NBEA: variants seen among roughly 807,000 people sequenced by gnomAD.
The protein encoded by NBEA is neurobeachin.
A neutral mutation model predicts 343.4 loss-of-function variants in NBEA; 44 were observed. That is an observed-to-expected ratio of 0.13 (90% CI 0.10 to 0.16). The LOEUF (loss-of-function observed/expected upper bound fraction) is 0.16. Among genes scored for constraint, NBEA ranks in the 10% least tolerant of loss-of-function variants. The pLI, the probability that NBEA is intolerant of heterozygous loss-of-function variation, is 1.00. For synonymous variants in NBEA, 1,175 were observed against 1,238.7 expected, an observed-to-expected ratio of 0.95 and a Z score of 1.08; for missense variants, 2,555 against 3,631.3, an observed-to-expected ratio of 0.70 and a Z score of 7.62.
intron 41 of NBEA, among the ~76,000 whole-genome samples, chr13:35,493,640 A>G (rs147473433): frequency 9.2e-5 from 14 of 152,110 alleles, no homozygotes; most frequent in African/African-American, 2.6e-4. Flanking sequence ...GAAGCCCTCC[A>G]TTAGGAACCA....
chr13:35,305,905 T>C (rs1444473218), intron 35 of NBEA, among the ~76,000 whole-genome samples: 4 of 152,202 alleles, frequency 2.6e-5, no homozygotes, highest in Non-Finnish European at 5.9e-5. Context: ...TTACTGATAG[T>C]TTGGCTGCAT....
chr13:35,356,174 G>A (rs1327020354), intron 38 of NBEA, among the ~76,000 whole-genome samples: 2 of 151,826 alleles, frequency 1.3e-5, no homozygotes, highest in African/African-American at 4.8e-5. Flanking sequence ...TAGTCCATTG[G>A]GAATAATTTT....
chr13:35,334,507 T>A (rs1249255865), intron 36 of NBEA, among the ~76,000 whole-genome samples: 2 of 152,154 alleles, frequency 1.3e-5, no homozygotes, highest in Non-Finnish European at 2.9e-5. Context: ...TGACCTCAGG[T>A]GATCCACCCA....
intron 38 of NBEA, among the ~76,000 whole-genome samples, chr13:35,372,259 G>A (rs1272179088): frequency 1.3e-5 from 2 of 152,142 alleles, no homozygotes; most frequent in Non-Finnish European, 2.9e-5. Context: ...CATTGGCGGT[G>A]GCTGTGACAG....
intron 52 of NBEA, among the ~76,000 whole-genome samples, chr13:35,650,563 A>G (rs761683848): frequency 2.6e-5 from 4 of 152,136 alleles, no homozygotes; most frequent in Non-Finnish European, 5.9e-5. Context: ...TTAACCAGGC[A>G]CAGTGGCAGG....
intron 22 of NBEA, 105 bp from the exon 23 acceptor site, chr13:35,161,645 A>G (rs1235752469): frequency 5.2e-6 from 5 of 955,438 alleles, no homozygotes; most frequent in South Asian, 1.7e-5. Context: ...CTAAAGTCAT[A>G]TGCTAAAGCA....
chr13:35,204,936 G>A (rs1468742553), intron 31 of NBEA, among the ~76,000 whole-genome samples: 1 of 151,884 alleles, frequency 6.6e-6, no homozygotes, highest in Admixed American at 6.6e-5. Context: ...GTGAAACGTT[G>A]TGTAACAATC....
At chr13:35,224,336 A>G (rs980534070) in intron 33 of NBEA, among the ~76,000 whole-genome samples, 2 of 152,340 alleles carry the variant, frequency 1.3e-5, no homozygotes, top group Non-Finnish European at 2.9e-5. Flanking sequence ...ATTATTTGGC[A>G]TACCAGCATA....
intron 35 of NBEA, among the ~76,000 whole-genome samples, chr13:35,290,822 G>T (rs74048982): frequency 0.078 from 11,829 of 151,286 alleles, 513 homozygotes; most frequent in South Asian, 0.12. Context: ...TTGAGATAAT[G>T]AAAAGTAAGT....
At chr13:35,661,357 A>G (rs1264274317) in intron 55 of NBEA, among the ~76,000 whole-genome samples, 3 of 152,220 alleles carry the variant, frequency 2.0e-5, no homozygotes, top group Non-Finnish European at 4.4e-5. Flanking sequence ...CTGCAGTGGC[A>G]GTGCTCAGAG....
At chr13:35,049,252 A>C (rs1055313749) in intron 5 of NBEA, among the ~76,000 whole-genome samples, 11 of 151,888 alleles carry the variant, frequency 7.2e-5, no homozygotes, top group South Asian at 6.2e-4. Flanking sequence ...CAATAAGTAC[A>C]TCAAACATTC....
rs184285035 is a variant in NBEA at position 35,293,181 on chromosome 13, C to G, written c.5838+2731C>G. ...ATTACAAGTGTCTGAAGGTACTTGT[C>G]AAGGATAATTCAGTTCATATGGGCA... On this transcript the variant is annotated intron_variant, in intron 35 of 58. Transcript: ENST00000379939. 1.0e-3 allele frequency among the ~76,000 whole-genome samples: 157 copies of G among 151,994 alleles called. 1 individual carries two copies. Among genetic ancestry groups the G allele is most frequent in the African/African-American group, 3.2e-3 (132 of 41,508 alleles).
chr13:35,338,302 T>C (rs1377348170), intron 36 of NBEA, among the ~76,000 whole-genome samples: 1 of 151,900 alleles, frequency 6.6e-6, no homozygotes, highest in Non-Finnish European at 1.5e-5. Context: ...GAAAAAAGAT[T>C]ATAAGGGAAT....
chr13:35,513,395 C>A (rs1488946987), intron 41 of NBEA, among the ~76,000 whole-genome samples: 1 of 149,324 alleles, frequency 6.7e-6, no homozygotes, highest in Non-Finnish European at 1.5e-5. Context: ...AAGGGATCCA[C>A]CTGCCTCAGC....
chr13:35,430,994 G>A (rs1394059144), intron 38 of NBEA, among the ~76,000 whole-genome samples: 1 of 151,382 alleles, frequency 6.6e-6, no homozygotes, highest in African/African-American at 2.4e-5. Flanking sequence ...TATACTATTG[G>A]GTTTTTATAA....
intron 41 of NBEA, among the ~76,000 whole-genome samples, chr13:35,545,032 C>T (rs1451940460): frequency 6.6e-6 from 1 of 152,006 alleles, no homozygotes; most frequent in Non-Finnish European, 1.5e-5. Context: ...ACTTAAATGA[C>T]AGAAAAATAT....
chr13:35,345,501 A>G (rs976160706), intron 36 of NBEA, among the ~76,000 whole-genome samples: 7 of 152,186 alleles, frequency 4.6e-5, no homozygotes, highest in Admixed American at 6.6e-5. Flanking sequence ...TCGCCTCTCA[A>G]AACCTGAGTT....
chr13:35,168,951 T>C (rs752743201), intron 24 of NBEA, 36 bp from the exon 25 acceptor site: 34 of 1,362,876 alleles, frequency 2.5e-5, no homozygotes, highest in Non-Finnish European at 3.3e-5. Context: ...CTTGTACTTT[T>C]TGGTCTGTTG....
At chr13:35,225,796 C>G (rs927267204) in intron 33 of NBEA, among the ~76,000 whole-genome samples, 3 of 152,094 alleles carry the variant, frequency 2.0e-5, no homozygotes, top group Non-Finnish European at 4.4e-5. Context: ...GAGTTCCTAT[C>G]CTCAGATTTC....
Sources: allele counts gnomAD v4.1 joint callset (sites outside exome capture counted in the v4.1 genomes callset), GRCh38; gene constraint gnomAD v4.1.1; transcripts MANE v1.5; gene names NCBI Gene and HGNC (gene_info 2026-07-23, HGNC 2026-07-21).